Variants in FUT8 observed in about 807,000 individuals in gnomAD.
FUT8 encodes alpha-(1,6)-fucosyltransferase.
Under a neutral mutation model 71.3 loss-of-function variants are expected in FUT8, and 29 were observed. The observed-to-expected ratio is 0.41, with a 90% CI of 0.30 to 0.55. The LOEUF (loss-of-function observed/expected upper bound fraction) is 0.55. FUT8 is among the 20% of genes least tolerant of loss of function. FUT8 has a pLI of 0.34. For synonymous variants in FUT8, 254 were observed against 239.3 expected, an observed-to-expected ratio of 1.06 and a Z score of -0.57; for missense variants, 544 against 702.1, an observed-to-expected ratio of 0.77 and a Z score of 2.55.
At chr14:65,718,394 C>A (rs1895234331) in intron 7 of FUT8, among the ~76,000 whole-genome samples, 1 of 152,108 alleles carries the variant, frequency 6.6e-6, no homozygotes, top group Non-Finnish European at 1.5e-5. Context: ...TTTTAACTTT[C>A]TGTTATTTCT....
the FUT8 span, among the ~76,000 whole-genome samples, chr14:65,364,926 C>T: frequency 6.6e-6 from 1 of 152,170 alleles, no homozygotes; most frequent in Non-Finnish European, 1.5e-5. Context: ...GGGGCTTACA[C>T]CTGAGGGCTT....
intron 3 of FUT8, among the ~76,000 whole-genome samples, chr14:65,585,465 G>A (rs1406071024): frequency 6.6e-6 from 1 of 152,192 alleles, no homozygotes; most frequent in Non-Finnish European, 1.5e-5. Flanking sequence ...GGGATTACAG[G>A]TGTGAGTCAC....
the FUT8 span, among the ~76,000 whole-genome samples, chr14:65,396,019 T>C: frequency 5.9e-5 from 9 of 152,346 alleles, no homozygotes; most frequent in Non-Finnish European, 1.2e-4. The surrounding 1 kb of genome is among the most constrained non-coding windows in gnomAD (Gnocchi z 5.5). Flanking sequence ...TCCATATCTT[T>C]GCCAAAACCC....
intron 2 of FUT8, among the ~76,000 whole-genome samples, chr14:65,517,443 T>G (rs923301572): frequency 3.7e-4 from 56 of 152,302 alleles, no homozygotes; most frequent in African/African-American, 1.2e-3. Flanking sequence ...TAGCATATGC[T>G]TTTTGAAGCT....
chr14:65,713,772 G>A (rs920882337), intron 7 of FUT8, among the ~76,000 whole-genome samples: 5 of 152,116 alleles, frequency 3.3e-5, no homozygotes, highest in Non-Finnish European at 5.9e-5. Flanking sequence ...TTATATTCTC[G>A]TTATTTATCT....
At position 65,721,755 on chromosome 14, in the gene FUT8, A is replaced by G. The variant is rs756877650; in HGVS notation, c.836-20A>G. 8.7e-5 allele frequency: 140 copies of G among 1,613,160 alleles called. No individual in the cohort carries two copies. In the South Asian group the frequency reaches 1.5e-3, roughly 17 times the overall value. On this transcript the variant is annotated intron_variant, in intron 7 of 10. Coordinates refer to ENST00000673929, the MANE Select transcript of FUT8 (RefSeq NM_001371533.1). ...TAAGGAATACCATGTGGTAATGATTATATGTTTCAATATTGTCAGGTGAAG... is the reference window on the plus strand; with the variant it reads ...TAAGGAATACCATGTGGTAATGATTGTATGTTTCAATATTGTCAGGTGAAG...
At chr14:65,710,637 G>T (rs942166631) in intron 7 of FUT8, among the ~76,000 whole-genome samples, 2 of 152,038 alleles carry the variant, frequency 1.3e-5, no homozygotes, top group African/African-American at 4.8e-5. Flanking sequence ...TAGTCTGGAT[G>T]AGGGTTTTGA....
At chr14:65,420,516 CATGT>C (rs1204123297) in intron 1 of FUT8, among the ~76,000 whole-genome samples, 5 of 151,956 alleles carry the variant, frequency 3.3e-5, no homozygotes, top group Admixed American at 3.3e-4. Context: ...TAATAGGGAT[CATGT>C]GTTCATTTCT....
At chr14:65,461,379 C>A (rs1271064528) in intron 2 of FUT8, among the ~76,000 whole-genome samples, 1 of 151,324 alleles carries the variant, frequency 6.6e-6, no homozygotes, top group Non-Finnish European at 1.5e-5. Flanking sequence ...CTGCATAGAC[C>A]CTATTTCTAG....
chr14:65,699,557 G>C (rs1475976231), intron 7 of FUT8, among the ~76,000 whole-genome samples: 1 of 152,152 alleles, frequency 6.6e-6, no homozygotes, highest in Admixed American at 6.5e-5. Context: ...TACAAGGTGG[G>C]CTGTGAGCAA....
chr14:65,664,220 C>T (rs550665044), intron 6 of FUT8, among the ~76,000 whole-genome samples: 5 of 152,230 alleles, frequency 3.3e-5, no homozygotes, highest in African/African-American at 1.2e-4. Context: ...TTTTGATCAA[C>T]TGAGTCAATA....
intron 5 of FUT8, among the ~76,000 whole-genome samples, chr14:65,617,681 A>C (rs1290308303): frequency 6.6e-6 from 1 of 152,166 alleles, no homozygotes; most frequent in African/African-American, 2.4e-5. Context: ...GTGGTGGCTC[A>C]TGCCTGTAAT....
chr14:65,543,453 C>G (rs1884803182), intron 2 of FUT8, among the ~76,000 whole-genome samples: 1 of 152,056 alleles, frequency 6.6e-6, no homozygotes, highest in African/African-American at 2.4e-5. Context: ...AGCTCTTGCT[C>G]TACTGATACA....
At chr14:65,558,602 G>A (rs1209266328) in intron 2 of FUT8, among the ~76,000 whole-genome samples, 1 of 152,070 alleles carries the variant, frequency 6.6e-6, no homozygotes, top group African/African-American at 2.4e-5. Context: ...TGAACACAAT[G>A]AACAAAAATT....
intron 6 of FUT8, among the ~76,000 whole-genome samples, chr14:65,642,733 G>A (rs758406696): frequency 2.6e-5 from 4 of 151,474 alleles, no homozygotes; most frequent in Admixed American, 6.6e-5. Flanking sequence ...GTGATTTATC[G>A]TTCTTTTTTT....
chr14:65,441,380 A>T (rs1045767794), intron 1 of FUT8, among the ~76,000 whole-genome samples: 1 of 152,192 alleles, frequency 6.6e-6, no homozygotes, highest in African/African-American at 2.4e-5. Context: ...GATAATTATT[A>T]AAAAATTTGA....
rs71126746 is a variant in FUT8, at chr14:65,441,751, C to CA, written c.-325-13843dup. Among the ~76,000 whole-genome samples the CA allele has an allele frequency of 3.5e-3, 240 of 69,458 alleles. 7 individuals are homozygous for CA. Among genetic ancestry groups the CA allele is most frequent in the East Asian group, 0.017 (35 of 2,030 alleles). The allele number at this position is 69,458 out of a possible 152,430, so 45.6% of individuals were successfully genotyped here. The stretch of plus-strand genomic sequence containing the variant: ...CTGGTGACAGAGTGAGATTCCATCT[C>CA]AAAAAAAAAAAAAAAAAAAAAAAAA... On this transcript the variant is annotated intron_variant, in intron 1 of 10. Coordinates refer to ENST00000673929, the MANE Select transcript of FUT8 (RefSeq NM_001371533.1).
intron 6 of FUT8, among the ~76,000 whole-genome samples, chr14:65,650,985 C>G (rs1314123484): frequency 6.6e-6 from 1 of 152,198 alleles, no homozygotes; most frequent in Non-Finnish European, 1.5e-5. Context: ...GCCCCTCCCA[C>G]TCCCACTGAA....
At chr14:65,501,934 A>G (rs2066651531) in intron 2 of FUT8, among the ~76,000 whole-genome samples, 1 of 150,484 alleles carries the variant, frequency 6.6e-6, no homozygotes, top group African/African-American at 2.4e-5. Flanking sequence ...TTTTTGAGAC[A>G]GTGTCTTGCT....
Sources: allele counts gnomAD v4.1 joint callset (sites outside exome capture counted in the v4.1 genomes callset), GRCh38; gene constraint gnomAD v4.1.1; non-coding constraint Gnocchi (gnomAD v3.1); transcripts MANE v1.5; gene names NCBI Gene and HGNC (gene_info 2026-07-23, HGNC 2026-07-21).